TACR3: variants seen among roughly 807,000 people sequenced by gnomAD.
TACR3 encodes the protein neuromedin-K receptor.
A neutral mutation model predicts 35.0 loss-of-function variants in TACR3; 34 were observed. That is an observed-to-expected ratio of 0.97 (90% CI 0.74 to 1.30). The LOEUF is 1.30. Among genes scored for constraint, TACR3 ranks in the 50% most tolerant of loss-of-function variants. TACR3 has a pLI of 0.00. For missense variants in TACR3, 558 were observed against 591.7 expected (o/e 0.94, Z 0.59); for synonymous variants, 233 against 221.1 (o/e 1.05, Z -0.48).
chr4:103,701,211 C>A (rs959446875), intron 1 of TACR3, among the ~76,000 whole-genome samples: 13 of 152,192 alleles, frequency 8.5e-5, no homozygotes, highest in Admixed American at 5.9e-4. Context: ...TCTCAGGATA[C>A]AAAATCAATG....
intron 3 of TACR3, among the ~76,000 whole-genome samples, chr4:103,616,037 T>C (rs1236285093): frequency 3.9e-5 from 6 of 152,196 alleles, no homozygotes; most frequent in Admixed American, 3.9e-4. Flanking sequence ...TCAGAAAAAC[T>C]GCAGATGTTG....
At chr4:103,619,310 C>T (rs991219561) in intron 3 of TACR3, among the ~76,000 whole-genome samples, 1 of 152,140 alleles carries the variant, frequency 6.6e-6, no homozygotes, top group African/African-American at 2.4e-5. Flanking sequence ...CTGCCCCAGC[C>T]TCCTGAGTAG....
At chr4:103,660,770 TACAAAGAAA>T (rs1490264885) in intron 1 of TACR3, among the ~76,000 whole-genome samples, 1 of 152,010 alleles carries the variant, frequency 6.6e-6, no homozygotes, top group Non-Finnish European at 1.5e-5. Flanking sequence ...GTGTGAACTC[TACAAAGAAA>T]AATAATGCGT....
intron 3 of TACR3, among the ~76,000 whole-genome samples, chr4:103,604,518 AC>A (rs1256120909): frequency 3.9e-5 from 6 of 152,234 alleles, no homozygotes; most frequent in African/African-American, 1.4e-4. Flanking sequence ...AGCAATGGCA[AC>A]AAAAGCCAAA....
chr4:103,610,154 A>G (rs1724480236), intron 3 of TACR3, among the ~76,000 whole-genome samples: 1 of 152,012 alleles, frequency 6.6e-6, no homozygotes, highest in African/African-American at 2.4e-5. Flanking sequence ...TTGCTGGACT[A>G]TGTGGTAGTT....
At chr4:103,597,604 G>A (rs1390738812) in intron 3 of TACR3, among the ~76,000 whole-genome samples, 33 of 114,992 alleles carry the variant, frequency 2.9e-4, no homozygotes, top group Admixed American at 8.9e-4. Flanking sequence ...TCCCTCCCCC[G>A]TCCCCCCACC....
At chr4:103,701,498 C>T (rs902416300) in intron 1 of TACR3, among the ~76,000 whole-genome samples, 2 of 152,068 alleles carry the variant, frequency 1.3e-5, no homozygotes, top group African/African-American at 4.8e-5. Context: ...AGATTCAATG[C>T]CATCCCCATC....
At chr4:103,607,275 C>A (rs1724397573) in intron 3 of TACR3, among the ~76,000 whole-genome samples, 1 of 151,956 alleles carries the variant, frequency 6.6e-6, no homozygotes, top group African/African-American at 2.4e-5. Flanking sequence ...TCATTTTGTG[C>A]CCCTAGAAAT....
chr4:103,643,152 G>A (rs1479099034), intron 3 of TACR3, among the ~76,000 whole-genome samples: 1 of 151,736 alleles, frequency 6.6e-6, no homozygotes, highest in Non-Finnish European at 1.5e-5. Flanking sequence ...ACTTCTACAT[G>A]TGGCTATTTA....
chr4:103,608,363 G>A (rs575705256), intron 3 of TACR3, among the ~76,000 whole-genome samples: 3 of 152,058 alleles, frequency 2.0e-5, no homozygotes, highest in South Asian at 4.2e-4. Context: ...CATTAAGCAC[G>A]CATGGACATA....
At chr4:103,630,449 G>A (rs916548802) in intron 3 of TACR3, among the ~76,000 whole-genome samples, 5 of 152,062 alleles carry the variant, frequency 3.3e-5, no homozygotes, top group African/African-American at 7.2e-5. Context: ...TCTAACAAAC[G>A]GCTAATATCC....
At chr4:103,659,618 CCTAT>C (rs781413656) in intron 1 of TACR3, among the ~76,000 whole-genome samples, 2 of 152,066 alleles carry the variant, frequency 1.3e-5, no homozygotes, top group Non-Finnish European at 2.9e-5. Flanking sequence ...CTTCATGGTG[CCTAT>C]CTGTGTAACT....
chr4:103,703,609 A>G (rs1051533714), intron 1 of TACR3, among the ~76,000 whole-genome samples: 4 of 152,006 alleles, frequency 2.6e-5, no homozygotes, highest in African/African-American at 9.7e-5. Flanking sequence ...GGAGCTGCAA[A>G]CCCCAGTTGT....
chr4:103,659,551 T>C (rs986218214), intron 1 of TACR3, among the ~76,000 whole-genome samples: 8 of 152,206 alleles, frequency 5.3e-5, no homozygotes, highest in African/African-American at 1.9e-4. Context: ...TCAAGTTCGA[T>C]TGAGGCTATG....
At chr4:103,613,770 G>A (rs1724566270) in intron 3 of TACR3, among the ~76,000 whole-genome samples, 1 of 152,204 alleles carries the variant, frequency 6.6e-6, no homozygotes, top group African/African-American at 2.4e-5. Flanking sequence ...CAGGGTGCCA[G>A]CATGGTTACA....
chr4:103,617,478 G>C (rs1044904542), intron 3 of TACR3, among the ~76,000 whole-genome samples: 3 of 152,026 alleles, frequency 2.0e-5, no homozygotes, highest in African/African-American at 7.2e-5. Context: ...TAAAACATTT[G>C]TTTTCATCAT....
intron 3 of TACR3, among the ~76,000 whole-genome samples, chr4:103,637,861 C>T (rs1275278249): frequency 6.6e-6 from 1 of 152,034 alleles, no homozygotes; most frequent in Non-Finnish European, 1.5e-5. Flanking sequence ...GAATAAAAAA[C>T]CTAGGGATCC....
At chr4:103,644,717 C>G (rs1725423570) in intron 3 of TACR3, among the ~76,000 whole-genome samples, 1 of 151,084 alleles carries the variant, frequency 6.6e-6, no homozygotes, top group Non-Finnish European at 1.5e-5. Flanking sequence ...AGTTTTATAC[C>G]AAGATGATAA....
chr4:103,609,227 C>G (rs548635713), intron 3 of TACR3, among the ~76,000 whole-genome samples: 2 of 152,184 alleles, frequency 1.3e-5, no homozygotes, highest in South Asian at 4.1e-4. Context: ...TTATTCACTG[C>G]ATTCTATTTC....
Sources: gnomAD v4.1 joint callset for allele counts (sites outside exome capture counted in the v4.1 genomes callset) on GRCh38, gnomAD v4.1.1 for gene constraint, MANE v1.5 for transcripts, NCBI Gene and HGNC (gene_info 2026-07-23, HGNC 2026-07-21) for gene names.